SMOC2: variants seen among roughly 807,000 people sequenced by gnomAD.
SMOC2 encodes the protein SPARC-related modular calcium-binding protein 2.
A neutral mutation model predicts 61.4 loss-of-function variants in SMOC2; 39 were observed. That is an observed-to-expected ratio of 0.64 (90% CI 0.49 to 0.83). The LOEUF (loss-of-function observed/expected upper bound fraction) is 0.83, where lower values mean the gene tolerates loss of function less well. Ranked by LOEUF, SMOC2 falls within the 40% of genes least tolerant of loss-of-function variation. The pLI, the probability that SMOC2 is intolerant of heterozygous loss-of-function variation, is 0.00. For missense variants in SMOC2, 556 were observed against 592.9 expected (o/e 0.94, Z 0.65); for synonymous variants, 247 against 239.9 (o/e 1.03, Z -0.27).
At chr6:168,470,136 C>T (rs558781344) in intron 1 of SMOC2, among the ~76,000 whole-genome samples, 3 of 152,268 alleles carry the variant, frequency 2.0e-5, no homozygotes, top group East Asian at 1.9e-4. Context: ...ATCTACAGGG[C>T]GGAGCCGGAA....
intron 9 of SMOC2, among the ~76,000 whole-genome samples, chr6:168,614,143 G>T (rs1368317051): frequency 7.1e-5 from 5 of 70,878 alleles, no homozygotes; most frequent in Admixed American, 1.4e-4. Flanking sequence ...AGCCAGCACA[G>T]GGGGCCTCTT....
intron 7 of SMOC2, among the ~76,000 whole-genome samples, chr6:168,573,624 G>A (rs2115146474): frequency 1.3e-5 from 2 of 152,262 alleles, no homozygotes; most frequent in African/African-American, 4.8e-5. Flanking sequence ...AGGGCAGAGA[G>A]CAGCATGCAT....
intron 9 of SMOC2, among the ~76,000 whole-genome samples, chr6:168,628,908 G>A (rs771958439): frequency 3.3e-5 from 5 of 152,234 alleles, no homozygotes; most frequent in African/African-American, 4.8e-5. Flanking sequence ...GGCCGGTCAC[G>A]GAGGCGTGGG....
At chr6:168,632,358 AT>A (rs1786592385) in intron 9 of SMOC2, among the ~76,000 whole-genome samples, 1 of 152,216 alleles carries the variant, frequency 6.6e-6, no homozygotes, top group Admixed American at 6.5e-5. Context: ...TCTTTGACAA[AT>A]TTTTGTGAGA....
At chr6:168,627,384 T>C (rs1786441273) in intron 9 of SMOC2, among the ~76,000 whole-genome samples, 1 of 152,220 alleles carries the variant, frequency 6.6e-6, no homozygotes, top group Non-Finnish European at 1.5e-5. Flanking sequence ...CAGGAATTGG[T>C]ATTTTATCTC....
chr6:168,484,289 T>C (rs930585583), intron 1 of SMOC2, among the ~76,000 whole-genome samples: 5 of 151,856 alleles, frequency 3.3e-5, no homozygotes, highest in African/African-American at 1.2e-4. Flanking sequence ...TGAATGGACA[T>C]TTTTTTTAAA....
chr6:168,584,602 C>G (rs1785004011), intron 7 of SMOC2, among the ~76,000 whole-genome samples: 1 of 151,940 alleles, frequency 6.6e-6, no homozygotes, highest in African/African-American at 2.4e-5. Flanking sequence ...TTTTGCCTAT[C>G]ATTGAGTCTG....
chr6:168,540,046 A>AACAGGGATTG (rs1171313811), intron 4 of SMOC2, among the ~76,000 whole-genome samples: 17 of 152,224 alleles, frequency 1.1e-4, no homozygotes, highest in South Asian at 4.1e-4. Context: ...ATTGGCACAC[A>AACAGGGATTG]GTAAGAGCTA....
chr6:168,454,564 T>G (rs555831100), intron 1 of SMOC2, among the ~76,000 whole-genome samples: 42 of 152,282 alleles, frequency 2.8e-4, no homozygotes, highest in African/African-American at 9.9e-4. Context: ...GGGAGGCACC[T>G]GGGCAGTGAG....
rs939224765 is a variant in SMOC2, at chr6:168,535,634, C to T, written c.463+7907C>T. Among the ~76,000 whole-genome samples the T allele has an allele frequency of 6.6e-6, 1 of 152,196 alleles. No individual in the cohort carries two copies. Among genetic ancestry groups the T allele is most frequent in the Non-Finnish European group, 1.5e-5 (1 of 68,030 alleles). ...GCCGGTGCCACAAAGTCCACCGAAACCCTCCTCCAAGTCCATAAATAACAT... is the reference window on the plus strand; with the variant it reads ...GCCGGTGCCACAAAGTCCACCGAAATCCTCCTCCAAGTCCATAAATAACAT... On this transcript the variant is annotated intron_variant, in intron 4 of 12. Coordinates refer to ENST00000356284, the MANE Select transcript of SMOC2 (RefSeq NM_001166412.2). This position sits in a 1 kb window ranked among gnomAD's most constrained non-coding sequence, Gnocchi z 4.6.
chr6:168,611,831 T>TC (rs1208694049), intron 9 of SMOC2, among the ~76,000 whole-genome samples: 1 of 152,128 alleles, frequency 6.6e-6, no homozygotes, highest in Non-Finnish European at 1.5e-5. Context: ...CTCCTGTGCC[T>TC]CCCACACATC....
chr6:168,630,316 T>G (rs1786533867), intron 9 of SMOC2, among the ~76,000 whole-genome samples: 1 of 152,178 alleles, frequency 6.6e-6, no homozygotes, highest in African/African-American at 2.4e-5. Context: ...TTATGGACAT[T>G]TGTTAGTTCC....
At chr6:168,494,250 C>T (rs1782538071) in intron 1 of SMOC2, among the ~76,000 whole-genome samples, 1 of 152,150 alleles carries the variant, frequency 6.6e-6, no homozygotes, top group Admixed American at 6.5e-5. Context: ...TGAGTGCAAG[C>T]GTTCTTTAGG....
intron 4 of SMOC2, among the ~76,000 whole-genome samples, chr6:168,533,726 G>C (rs1783664960): frequency 6.6e-6 from 1 of 152,032 alleles, no homozygotes; most frequent in Non-Finnish European, 1.5e-5. Context: ...AGCCTTCGTA[G>C]GTCTTTTCTT....
At chr6:168,564,027 C>G (rs1784486430) in intron 7 of SMOC2, among the ~76,000 whole-genome samples, 1 of 152,172 alleles carries the variant, frequency 6.6e-6, no homozygotes, top group South Asian at 2.1e-4. Context: ...ATTTAAGCAG[C>G]TTCTCAGGTA....
At chr6:168,501,286 C>A (rs1483428644) in intron 1 of SMOC2, among the ~76,000 whole-genome samples, 1 of 152,180 alleles carries the variant, frequency 6.6e-6, no homozygotes, top group Non-Finnish European at 1.5e-5. Flanking sequence ...GAAAAACATC[C>A]ATTTTCATCA....
chr6:168,527,137 G>C (rs906088540), intron 3 of SMOC2, among the ~76,000 whole-genome samples: 6 of 152,166 alleles, frequency 3.9e-5, no homozygotes, highest in Non-Finnish European at 7.3e-5. Flanking sequence ...TCATCGTTTG[G>C]CCTTTGAGAG....
rs1341475211 is a variant in SMOC2 at position 168,453,540 on chromosome 6, C to T, written c.84+12086C>T. On this transcript the variant is annotated intron_variant, in intron 1 of 12. Coordinates refer to ENST00000356284, the MANE Select transcript of SMOC2 (RefSeq NM_001166412.2). This position sits in a 1 kb window ranked among gnomAD's most constrained non-coding sequence, Gnocchi z 4.4. Reference sequence around the variant, plus strand: ...TCTGTCTCTCTCTGTCTCTTTGTCTCTCTCTGTACCTGTCTCTCTGATTCT... The same window carrying T: ...TCTGTCTCTCTCTGTCTCTTTGTCTTTCTCTGTACCTGTCTCTCTGATTCT... Among the ~76,000 whole-genome samples the T allele has an allele frequency of 6.6e-6, 1 of 151,902 alleles. No homozygotes were observed. The highest frequency in any genetic ancestry group is 1.5e-5 in the Non-Finnish European group (1 of 67,992).
At chr6:168,471,195 A>T (rs1369223701) in intron 1 of SMOC2, among the ~76,000 whole-genome samples, 1 of 152,170 alleles carries the variant, frequency 6.6e-6, no homozygotes, top group Admixed American at 6.5e-5. Context: ...CAACTGGCAA[A>T]ACCGAAACTT....
Sources: gnomAD v4.1 joint callset for allele counts (sites outside exome capture counted in the v4.1 genomes callset) on GRCh38, gnomAD v4.1.1 for gene constraint, Gnocchi (gnomAD v3.1) non-coding constraint, MANE v1.5 for transcripts, NCBI Gene and HGNC (gene_info 2026-07-23, HGNC 2026-07-21) for gene names.